TRPC5: variants seen among roughly 807,000 people sequenced by gnomAD.
TRPC5 encodes the protein transient receptor potential cation channel subfamily C member 5.
Under a neutral mutation model 56.5 loss-of-function variants are expected in TRPC5, and 9 were observed. The observed-to-expected ratio is 0.16, with a 90% confidence interval of 0.10 to 0.28. The LOEUF is 0.28. Ranked by LOEUF, TRPC5 falls within the 10% of genes least tolerant of loss-of-function variation. The pLI, the probability that TRPC5 is intolerant of heterozygous loss-of-function variation, is 1.00. For synonymous variants in TRPC5, 282 were observed against 278.5 expected (o/e 1.01, Z -0.13); for missense variants, 469 against 748.9 (o/e 0.63, Z 4.36).
intron 7 of TRPC5, among the ~76,000 whole-genome samples, chrX:111,795,577 A>C (rs1310779210): frequency 1.8e-5 from 2 of 111,453 alleles, no homozygotes; most frequent in Non-Finnish European, 3.8e-5. Flanking sequence ...TGATTAAAAA[A>C]AAATTAGTTG....
chrX:111,785,014 A>C (rs776228160), intron 7 of TRPC5, among the ~76,000 whole-genome samples: 1 of 112,393 alleles, frequency 8.9e-6, no homozygotes, highest in Non-Finnish European at 1.9e-5. Context: ...GGCAGCAGAC[A>C]ACTCTGCAGA....
rs144997184 is a variant in TRPC5 at position 112,076,950 on chromosome X, A to G, written c.-22+4929T>C. ...GAAATAATGCTAGGTGCCCCAATAT[A>G]TCACATCTAGTGGTTGGTTTTCTAC... On this transcript the variant is annotated intron_variant, in intron 1 of 10. Coordinates refer to ENST00000262839, the MANE Select transcript of TRPC5 (RefSeq NM_012471.3). Among the ~76,000 whole-genome samples the G allele has an allele frequency of 3.7e-4, 42 of 112,514 alleles. 3 individuals are homozygous for G. The East Asian group carries it at 0.012, about 31-fold the overall frequency.
In TRPC5 at chrX:111,840,470, T is replaced by C. The variant is rs141838113; in HGVS notation, c.1701-5354A>G. ...GAATAATGACAGGAAAAAAAGTCTGTACATATTCAGTACAGATGCAACCAT... is the reference window on the plus strand; with the variant it reads ...GAATAATGACAGGAAAAAAAGTCTGCACATATTCAGTACAGATGCAACCAT... On this transcript the variant is annotated intron_variant, in intron 6 of 10. Coordinates refer to ENST00000262839, the MANE Select transcript of TRPC5 (RefSeq NM_012471.3). 2.0e-3 allele frequency among the ~76,000 whole-genome samples: 223 copies of C among 112,819 alleles called. 3 individuals carry two copies. Among genetic ancestry groups the C allele is most frequent in the African/African-American group, 6.8e-3 (212 of 31,136 alleles).
Position 111,846,775 on chromosome X carries a change from C to T in TRPC5, c.1700+339G>A, listed in dbSNP as rs1009554767. Among the ~76,000 whole-genome samples, 3 of 112,119 alleles carry T rather than the reference C, an allele frequency of 2.7e-5. No homozygotes were observed. The Admixed American group carries it at 2.8e-4, about 11-fold the overall frequency. On this transcript the variant is annotated intron_variant, in intron 6 of 10. Coordinates refer to ENST00000262839, the MANE Select transcript of TRPC5 (RefSeq NM_012471.3). Reference sequence around the variant, plus strand: ...GTTTCATTACCTTGGTGCCACATTTCGAGTGAGGAATTATCTACCTCACCC... The same window carrying T: ...GTTTCATTACCTTGGTGCCACATTTTGAGTGAGGAATTATCTACCTCACCC...
chrX:111,932,203 T>C (rs764137301), intron 2 of TRPC5, among the ~76,000 whole-genome samples: 1 of 111,596 alleles, frequency 9.0e-6, no homozygotes, highest in Admixed American at 9.5e-5. Flanking sequence ...TGTCAATCAA[T>C]GAATATCAAC....
intron 6 of TRPC5, among the ~76,000 whole-genome samples, chrX:111,842,449 A>ATT (rs990887439): frequency 1.8e-5 from 2 of 111,206 alleles, no homozygotes; most frequent in African/African-American, 6.6e-5. Flanking sequence ...ACTTTCTGTA[A>ATT]TTTTTAAAAA....
chrX:111,966,432 C>T (rs1209914914), intron 1 of TRPC5, among the ~76,000 whole-genome samples: 1 of 112,012 alleles, frequency 8.9e-6, no homozygotes, highest in Non-Finnish European at 1.9e-5. Context: ...CCTTCTGAAA[C>T]TATACCAATC....
intron 7 of TRPC5, among the ~76,000 whole-genome samples, chrX:111,831,724 CT>C (rs1252237044): frequency 8.9e-6 from 1 of 111,896 alleles, no homozygotes; most frequent in Non-Finnish European, 1.9e-5. Context: ...ACCAAGGGTT[CT>C]TACTAACTTG....
At chrX:111,928,879 A>G (rs1488908832) in intron 2 of TRPC5, among the ~76,000 whole-genome samples, 2 of 112,346 alleles carry the variant, frequency 1.8e-5, no homozygotes, top group Non-Finnish European at 3.8e-5. Context: ...TGAATTTTCA[A>G]TCACTTGCAA....
chrX:111,969,446 T>A (rs968595285), intron 1 of TRPC5, among the ~76,000 whole-genome samples: 8 of 111,984 alleles, frequency 7.1e-5, no homozygotes, highest in African/African-American at 2.6e-4. Flanking sequence ...AGGACTTTGT[T>A]AAATGAGTTC....
chrX:111,792,837 AG>A (rs1946033630), intron 7 of TRPC5, among the ~76,000 whole-genome samples: 3 of 112,036 alleles, frequency 2.7e-5, no homozygotes, highest in African/African-American at 9.7e-5. Context: ...TATCATCAAG[AG>A]GCAGTCCAGC....
intron 3 of TRPC5, among the ~76,000 whole-genome samples, chrX:111,909,347 TAAA>T (rs1376164862): frequency 0.011 from 1,146 of 105,314 alleles, 12 homozygotes; most frequent in Non-Finnish European, 0.019. Flanking sequence ...AATAAATAAA[TAAA>T]TAAATAAATT....
At chrX:112,081,805 G>C (rs911414641) in intron 1 of TRPC5, 74 bp downstream of exon 1, 2 of 112,098 alleles carry the variant, frequency 1.8e-5, no homozygotes, top group East Asian at 5.7e-4. Context: ...CATTCAACCC[G>C]CACTTCGCTG....
At position 111,953,993 on chromosome X, in the gene TRPC5, C is replaced by T. The variant is rs1927161968; in HGVS notation, c.-21-1552G>A. Among the ~76,000 whole-genome samples, 3 of 112,029 alleles carry T rather than the reference C, an allele frequency of 2.7e-5. No individual in the cohort carries two copies. The Admixed American group carries it at 2.8e-4, about 11-fold the overall frequency. On this transcript the variant is annotated intron_variant, in intron 1 of 10. Transcript: ENST00000262839. ...CAAGACCCAAATGACAAATCTCTCT[C>T]CACATCTAAATCCCAAGAGAAGAGG... is the stretch of plus-strand genomic sequence containing the variant.
In TRPC5 at chrX:112,068,210, T is replaced by C. The variant is rs776259204; in HGVS notation, c.-22+13669A>G. 7.1e-5 allele frequency among the ~76,000 whole-genome samples: 8 copies of C among 112,405 alleles called. No individual in the cohort carries two copies. In the South Asian group the frequency reaches 2.9e-3, roughly 41 times the overall value. On this transcript the variant is annotated intron_variant, in intron 1 of 10. Transcript: ENST00000262839. ...CCCCTCTCTCCATTTATAATATCTT[T>C]CCTGCTGTCTGTAGTTTGTTCTAGC... is the stretch of plus-strand genomic sequence containing the variant.
chrX:111,793,838 G>T (rs1306969352), intron 7 of TRPC5, among the ~76,000 whole-genome samples: 1 of 112,023 alleles, frequency 8.9e-6, no homozygotes, highest in Admixed American at 9.5e-5. Flanking sequence ...ACAAAATGTG[G>T]CACATTCATA....
chrX:111,805,314 T>C (rs1452469832), intron 7 of TRPC5, among the ~76,000 whole-genome samples: 1 of 111,866 alleles, frequency 8.9e-6, no homozygotes, highest in African/African-American at 3.3e-5. Flanking sequence ...AAAATTCTCT[T>C]TTTTTGTTGT....
At chrX:111,915,061 T>TTCTCTCTCTCTCTC (rs34462597) in intron 2 of TRPC5, among the ~76,000 whole-genome samples, 1 of 107,099 alleles carries the variant, frequency 9.3e-6, no homozygotes, top group Middle Eastern at 4.9e-3. Flanking sequence ...CTCGCTCTCT[T>TTCTCTCTCTCTCTC]TCTCTCTCTC....
At chrX:112,005,977 C>T (rs1027065833) in intron 1 of TRPC5, among the ~76,000 whole-genome samples, 5 of 111,039 alleles carry the variant, frequency 4.5e-5, no homozygotes, top group Non-Finnish European at 7.6e-5. Context: ...AAGGTGGCGG[C>T]GGGGGGCAGG....
Sources: gnomAD v4.1 joint callset for allele counts (sites outside exome capture counted in the v4.1 genomes callset) on GRCh38, gnomAD v4.1.1 for gene constraint, MANE v1.5 for transcripts, NCBI Gene and HGNC (gene_info 2026-07-23, HGNC 2026-07-21) for gene names.